The following NT5C3A variants were observed in gnomAD, a reference collection of about 807,000 sequenced individuals.
NT5C3A encodes cytosolic 5'-nucleotidase 3A.
Under a neutral mutation model 40.0 loss-of-function variants are expected in NT5C3A, and 23 were observed. The ratio of observed to expected loss-of-function variants is 0.58; its 90% CI spans 0.41 to 0.81. The LOEUF (loss-of-function observed/expected upper bound fraction) is 0.81. Ranked by LOEUF, NT5C3A falls within the 40% of genes least tolerant of loss-of-function variation. The pLI is 0.00. For synonymous variants in NT5C3A, 130 were observed against 141.4 expected (o/e 0.92, Z 0.57); for missense variants, 328 against 403.0 (o/e 0.81, Z 1.59).
chr7:33,023,871 T>G, intron 3 of NT5C3A, 168 bp downstream of exon 3: 6 of 604,646 alleles, frequency 9.9e-6, no homozygotes, highest in Non-Finnish European at 1.8e-5. Context: ...ACCATTTATA[T>G]AATATGGGAA....
At chr7:33,041,341 G>C (rs983971734) in intron 1 of NT5C3A, among the ~76,000 whole-genome samples, 1 of 152,178 alleles carries the variant, frequency 6.6e-6, no homozygotes, top group African/African-American at 2.4e-5. Flanking sequence ...ATTGCTCAAT[G>C]GATAGAGTTT....
chr7:33,034,361 C>A (rs1194158754), intron 1 of NT5C3A, among the ~76,000 whole-genome samples: 1 of 151,912 alleles, frequency 6.6e-6, no homozygotes, highest in East Asian at 1.9e-4. Context: ...GCTCTAGGAC[C>A]CAAGTAACAA....
intron 1 of NT5C3A, among the ~76,000 whole-genome samples, chr7:33,039,290 C>T (rs979268370): frequency 6.6e-6 from 1 of 152,094 alleles, no homozygotes; most frequent in African/African-American, 2.4e-5. Context: ...TAAAGGTCTA[C>T]TTGACTCTGT....
intron 7 of NT5C3A, among the ~76,000 whole-genome samples, chr7:33,016,329 G>C (rs1312544153): frequency 7.0e-6 from 1 of 143,338 alleles, no homozygotes; most frequent in African/African-American, 2.6e-5. Context: ...AGCCAAGATG[G>C]CACCACTGCA....
intron 1 of NT5C3A, among the ~76,000 whole-genome samples, chr7:33,032,423 C>CA (rs34501041): frequency 0.013 from 1,225 of 94,814 alleles, 36 homozygotes; most frequent in African/African-American, 0.03. Flanking sequence ...ACTCGGTCTC[C>CA]AAAAAAAAAA....
At chr7:33,061,125 A>G (rs1184863925) in intron 1 of NT5C3A, among the ~76,000 whole-genome samples, 4 of 152,234 alleles carry the variant, frequency 2.6e-5, no homozygotes, top group African/African-American at 9.6e-5. Context: ...ACCAATCCAT[A>G]GTTTAAGCAC....
In NT5C3A at chr7:33,030,472, G is replaced by A. The variant is rs538147664; in HGVS notation, c.139-3557C>T. ...TCTGAAAAATTTTCAATTTGATTAT[G>A]ATAAAATTTTATGAAAAATAAATAA... On this transcript the variant is annotated intron_variant, in intron 1 of 8. Coordinates refer to ENST00000610140, the MANE Select transcript of NT5C3A (RefSeq NM_001002010.5). Among the ~76,000 whole-genome samples the A allele has an allele frequency of 7.2e-5, 11 of 152,160 alleles. No homozygotes were observed. The East Asian group carries it at 1.7e-3, about 24-fold the overall frequency.
intron 1 of NT5C3A, chr7:33,041,189 A>T (rs767569432): frequency 1.4e-4 from 137 of 967,796 alleles, no homozygotes; most frequent in Non-Finnish European, 1.7e-4. Context: ...ACTAACACTT[A>T]AAAACATTCC....
chr7:33,036,080 A>T (rs1786587603), intron 1 of NT5C3A: 1 of 969,816 alleles, frequency 1.0e-6, no homozygotes, highest in Non-Finnish European at 1.7e-6. Context: ...TATGCCAATA[A>T]TATATTAAGG....
chr7:33,024,793 A>G (rs1243640810), intron 2 of NT5C3A, among the ~76,000 whole-genome samples: 3 of 152,212 alleles, frequency 2.0e-5, no homozygotes, highest in Admixed American at 1.3e-4. Context: ...ACATTTGAAA[A>G]TATCACATGT....
chr7:33,044,033 C>CTT (rs535266743), intron 1 of NT5C3A, among the ~76,000 whole-genome samples: 1 of 143,632 alleles, frequency 7.0e-6, no homozygotes, highest in African/African-American at 2.6e-5. Flanking sequence ...TTTTTTTTTT[C>CTT]TTTTTTTTTT....
rs1281831527 is a variant in NT5C3A at position 33,014,553 on chromosome 7, A to G, written c.*177T>C. 1.2e-6 allele frequency: 1 copy of G among 844,970 alleles called. No homozygotes were observed. Among genetic ancestry groups the G allele is most frequent in the Non-Finnish European group, 1.9e-6 (1 of 531,772 alleles). 52.3% of individuals were successfully genotyped at this position (844,970 alleles called of 1,614,324 possible). On this transcript the variant is annotated 3_prime_UTR_variant, in exon 9 of 9. Coordinates refer to ENST00000610140, the MANE Select transcript of NT5C3A (RefSeq NM_001002010.5). ...AAGATACGGTGAGGAGTGTGTTGAG[A>G]GAGGTGGAGAAAAGGAGCTTCCAGT...
intron 2 of NT5C3A, among the ~76,000 whole-genome samples, chr7:33,024,518 CAG>C (rs1205887790): frequency 6.6e-6 from 1 of 151,754 alleles, no homozygotes; most frequent in Non-Finnish European, 1.5e-5. Context: ...CTCATGGAAA[CAG>C]AGAGTAGAAA....
chr7:33,024,218 C>G (rs1472065919), intron 2 of NT5C3A, 110 bp from the exon 3 acceptor site: 2 of 709,684 alleles, frequency 2.8e-6, no homozygotes, highest in African/African-American at 3.5e-5. Flanking sequence ...TAGGACTGTG[C>G]TCAAGTCTCT....
intron 6 of NT5C3A, among the ~76,000 whole-genome samples, chr7:33,018,354 C>T (rs762150005): frequency 2.0e-4 from 30 of 152,070 alleles, no homozygotes; most frequent in Non-Finnish European, 3.4e-4. Context: ...CCTTTTTTAC[C>T]CTTCCTGGGC....
In NT5C3A at chr7:33,014,240, T is replaced by G; in HGVS notation, c.*490A>C. 2.2e-6 allele frequency: 1 copy of G among 454,522 alleles called. No homozygotes were observed. Among genetic ancestry groups the G allele is most frequent in the Non-Finnish European group, 4.4e-6 (1 of 226,782 alleles). The allele number at this position is 454,522 out of a possible 1,614,324, so 28.2% of individuals were successfully genotyped here. A position where few individuals can be genotyped will look rare whatever the true frequency, so the allele number is the denominator to read the frequency against. ...AGGTTTTTCCAACACTAACTGCTAG[T>G]CTTTTCCAGTAAATATTTTTTCCCC... On this transcript the variant is annotated 3_prime_UTR_variant, in exon 9 of 9. Transcript: ENST00000610140.
At chr7:33,031,506 G>A (rs1172630524) in intron 1 of NT5C3A, among the ~76,000 whole-genome samples, 1 of 151,890 alleles carries the variant, frequency 6.6e-6, no homozygotes, top group Non-Finnish European at 1.5e-5. Flanking sequence ...AGGATTGCCT[G>A]AGCCTGGGAG....
At position 33,036,065 on chromosome 7, in the gene NT5C3A, C is replaced by T. The variant is rs117927044; in HGVS notation, c.139-9150G>A. 8.5e-4 allele frequency: 917 copies of T among 1,081,958 alleles called. 5 individuals carry two copies. The East Asian group carries it at 0.02, about 24-fold the overall frequency. 67.0% of individuals were successfully genotyped at this position (1,081,958 alleles called of 1,614,324 possible). A position where few individuals can be genotyped will look rare whatever the true frequency, so the allele number is the denominator to read the frequency against. On this transcript the variant is annotated intron_variant, in intron 1 of 8. Transcript: ENST00000610140. ...TGACATACATAAATTTCAGGTTCTT[C>T]CTGTTATGCCAATAATATATTAAGG...
At chr7:33,033,966 CT>C (rs1157089396) in intron 1 of NT5C3A, among the ~76,000 whole-genome samples, 1 of 150,370 alleles carries the variant, frequency 6.7e-6, no homozygotes, top group Non-Finnish European at 1.5e-5. Context: ...TCTCAGCTCA[CT>C]GCAAGCTCCG....
Sources: gnomAD v4.1 joint callset for allele counts (sites outside exome capture counted in the v4.1 genomes callset) on GRCh38, gnomAD v4.1.1 for gene constraint, MANE v1.5 for transcripts, NCBI Gene and HGNC (gene_info 2026-07-23, HGNC 2026-07-21) for gene names.